Variants in PTPRN observed in about 807,000 individuals in gnomAD.
PTPRN encodes protein tyrosine phosphatase receptor type N.
In PTPRN, 70 loss-of-function variants were observed where a neutral mutation model predicts 108.5. The ratio of observed to expected loss-of-function variants is 0.65; its 90% CI spans 0.53 to 0.79. PTPRN has a LOEUF of 0.79. PTPRN is among the 30% of genes least tolerant of loss of function. The probability of loss-of-function intolerance (pLI) is 0.00; values close to 1 mark genes in which losing one functional copy is unlikely to be tolerated. For synonymous variants in PTPRN, 496 were observed against 524.6 expected (o/e 0.95, Z 0.75); for missense variants, 1,136 against 1,295.5 (o/e 0.88, Z 1.89).
In PTPRN at chr2:219,296,834, C is replaced by T. The variant is rs758287281; in HGVS notation, c.2237-12G>A. On this transcript the variant is annotated splice_polypyrimidine_tract_variant and intron_variant, in intron 15 of 22. Transcript: ENST00000295718. This position sits in a 1 kb window ranked among gnomAD's most constrained non-coding sequence, Gnocchi z 6.0. ...GCGGGCATGGTCATCTGCACAGACCCGACACCCCACCCCAGATGGCCCTCT... is the reference window on the plus strand; with the variant it reads ...GCGGGCATGGTCATCTGCACAGACCTGACACCCCACCCCAGATGGCCCTCT... 13 of 1,613,934 alleles carry T rather than the reference C, an allele frequency of 8.1e-6. No individual in the cohort carries two copies. The highest frequency in any genetic ancestry group is 2.7e-5 in the African/African-American group (2 of 74,880).
Position 219,303,762 on chromosome 2 carries a change from C to T in PTPRN, c.350G>A (p.Arg117His), listed in dbSNP as rs777368136. ...SQEMERIPRL[R>H]PPEPRPRDRS... ...GTCCCTTGGACGGGGCTCTGGGGGG[C>T]GAAGCCTGGGGATGCGCTCCATCTC... Residue 117 changes from arginine to histidine, a missense_variant, in exon 4 of 23, where the codon CGC becomes CAC. Arg to His is a conservative substitution (Grantham distance 29). Coordinates refer to ENST00000295718, the MANE Select transcript of PTPRN (RefSeq NM_002846.4). The T allele has an allele frequency of 8.1e-6, 13 of 1,613,982 alleles. No homozygotes were observed. The highest frequency in any genetic ancestry group is 1.1e-5 in the South Asian group (1 of 91,086).
chr2:219,297,216 C>G lies in PTPRN; in HGVS notation c.2088+17G>C. On this transcript the variant is annotated intron_variant, in intron 14 of 22. Transcript: ENST00000295718. This position sits in a 1 kb window ranked among gnomAD's most constrained non-coding sequence, Gnocchi z 6.0. ...TCCCATTCCTTCACCCACTCTGGGC[C>G]CAGGCCCTGTCCTGACCAGAATCAT... The G allele has an allele frequency of 6.2e-7, 1 of 1,611,992 alleles. No individual in the cohort carries two copies. Among genetic ancestry groups the G allele is most frequent in the Non-Finnish European group, 8.5e-7 (1 of 1,178,556 alleles).
In PTPRN at chr2:219,297,910, T is replaced by G; in HGVS notation, c.1862A>C (p.His621Pro). The change falls in exon 13 of 23, where the codon CAT (histidine) becomes CCT (proline). Residue 621 changes from histidine (H) to proline (P), a missense_variant. Physicochemically the swap from His to Pro is moderately conservative, Grantham distance 77 (BLOSUM62 -2). Coordinates refer to ENST00000295718, the MANE Select transcript of PTPRN (RefSeq NM_002846.4). This position sits in a 1 kb window ranked among gnomAD's most constrained non-coding sequence, Gnocchi z 6.0. Reference sequence around the variant, plus strand: ...CTGGTACTCAAAGGTAGTGTCACCATGGGCCCCCTCAGGCCCCAGGGCTGC... The same window carrying G: ...CTGGTACTCAAAGGTAGTGTCACCAGGGGCCCCCTCAGGCCCCAGGGCTGC... ...RLAALGPEGA[H>P]GDTTFEYQDL... 1 of 1,611,586 alleles carries G rather than the reference T, an allele frequency of 6.2e-7. No homozygotes were observed. Among genetic ancestry groups the G allele is most frequent in the Non-Finnish European group, 8.5e-7 (1 of 1,179,570 alleles).
rs139679775 is a variant in PTPRN, at chr2:219,297,364, G to A, written c.1957C>T (p.Arg653Trp). Residue 653 changes from arginine to tryptophan, a missense_variant, in exon 14 of 23, where the codon CGG (arginine) becomes TGG (tryptophan). Arg to Trp is a moderately radical substitution (Grantham distance 101). Coordinates refer to ENST00000295718, the MANE Select transcript of PTPRN (RefSeq NM_002846.4). The surrounding 1 kb of genome is among the most constrained non-coding windows in gnomAD (Gnocchi z 6.0). ...AACTGGGAGGACACACTGCTCACCCGTGAAGGCTCCGGTGGACCCTCTGCC... is the reference window on the plus strand; with the variant it reads ...AACTGGGAGGACACACTGCTCACCCATGAAGGCTCCGGTGGACCCTCTGCC... ...NRAEGPPEPS[R>W]VSSVSSQFSD... is the part of the protein sequence containing the mutation. 10 of 1,613,946 alleles carry A rather than the reference G, an allele frequency of 6.2e-6. No individual in the cohort carries two copies. Among genetic ancestry groups the A allele is most frequent in the African/African-American group, 1.3e-5 (1 of 74,950 alleles).
At position 219,296,068 on chromosome 2, in the gene PTPRN, G is replaced by T; in HGVS notation, c.2508+158C>A. The T allele has an allele frequency of 2.0e-6, 2 of 1,025,224 alleles. No individual in the cohort carries two copies. The highest frequency in any genetic ancestry group is 2.9e-6 in the Non-Finnish European group (2 of 692,192). 63.5% of individuals were successfully genotyped at this position (1,025,224 alleles called of 1,614,324 possible). ...TGAATATATGGGTATGCATATATGT[G>T]TTTATATATATTCATATATGTATGA... On this transcript the variant is annotated intron_variant, in intron 18 of 22. Coordinates refer to ENST00000295718, the MANE Select transcript of PTPRN (RefSeq NM_002846.4). The surrounding 1 kb of genome is among the most constrained non-coding windows in gnomAD (Gnocchi z 6.0).
At position 219,296,689 on chromosome 2, in the gene PTPRN, A is replaced by C. The variant is rs1433570868; in HGVS notation, c.2310+60T>G. 6.3e-7 allele frequency: 1 copy of C among 1,596,834 alleles called. No individual in the cohort carries two copies. ...GTGGCAGGTGACCACGGGGAAATGG[A>C]GTGCATAGGGCCAGGATAATGATGG... On this transcript the variant is annotated intron_variant, in intron 16 of 22. Transcript: ENST00000295718. This position sits in a 1 kb window ranked among gnomAD's most constrained non-coding sequence, Gnocchi z 6.0.
At chr2:219,309,182 C>T in intron 1 of PTPRN, 36 bp downstream of exon 1, 3 of 1,302,712 alleles carry the variant, frequency 2.3e-6, no homozygotes, top group Non-Finnish European at 2.1e-6. Context: ...CTGCTCCCCG[C>T]CCCCCACCAC....
Position 219,300,204 on chromosome 2 carries a change from G to A in PTPRN, c.1217C>T (p.Ser406Phe). Reference protein sequence around the residue: ...RDTAELPARTSPMPGHPTASP... With the variant: ...RDTAELPARTFPMPGHPTASP... ...GGCAGTGGGGTGTCCAGGCATGGGGGATGTGCGGGCTGGAAGCTCTGCTGT... is the reference window on the plus strand; with the variant it reads ...GGCAGTGGGGTGTCCAGGCATGGGGAATGTGCGGGCTGGAAGCTCTGCTGT... The change falls in exon 9 of 23, where the codon TCC (serine) becomes TTC (phenylalanine). Residue 406 changes from serine to phenylalanine, a missense_variant. Transcript: ENST00000295718. The A allele has an allele frequency of 4.4e-6, 7 of 1,606,794 alleles. No individual in the cohort carries two copies. Among genetic ancestry groups the A allele is most frequent in the South Asian group, 1.1e-5 (1 of 90,210 alleles).
chr2:219,307,653 T>C, intron 2 of PTPRN, 96 bp from the exon 3 acceptor site: 1 of 1,444,762 alleles, frequency 6.9e-7, no homozygotes, highest in East Asian at 2.3e-5. Context: ...CTTTCTCCCC[T>C]ACCTCTCCTC....
chr2:219,303,755 TG>T lies in PTPRN; in HGVS notation c.356del (p.Pro119GlnfsTer81), dbSNP rs759562798. On this transcript the variant is annotated frameshift_variant, in exon 4 of 23. Coordinates refer to ENST00000295718, the MANE Select transcript of PTPRN (RefSeq NM_002846.4). LOFTEE classifies it high-confidence loss of function. ...EMERIPRLRP[P>X]EPRPRDRSGL... ...CCTACCTGTCCCTTGGACGGGGCTC[TG>T]GGGGGCGAAGCCTGGGGATGCGCTC... 6.2e-7 allele frequency: 1 copy of T among 1,614,032 alleles called. No individual in the cohort carries two copies. Among genetic ancestry groups the T allele is most frequent in the Admixed American group, 1.7e-5 (1 of 60,020 alleles).
Position 219,303,697 on chromosome 2 carries a change from C to T in PTPRN, c.377+38G>A, listed in dbSNP as rs775709346. On this transcript the variant is annotated intron_variant, in intron 4 of 22. Transcript: ENST00000295718. ...ATTAGGACAACCACAGATTCATCAG[C>T]CTCACCATTGCTAGAGTTGTAGAGA... The T allele has an allele frequency of 1.1e-5, 17 of 1,562,730 alleles. No individual in the cohort carries two copies. The South Asian group carries it at 1.6e-4, about 14-fold the overall frequency.
rs760083408 is a variant in PTPRN, at chr2:219,302,486, G to T, written c.645C>A (p.Gly215=). Residue 215 remains glycine (G), a synonymous_variant, in exon 6 of 23, where the codon GGC becomes GGA. Transcript: ENST00000295718. ...CTGAGACCCTGGAGCCATCACGGGA[G>T]CCAAACTGTGGAAAACCAGAGATCT... ...LLQPYLFHQF[G]SRDGSRVSEG... The T allele has an allele frequency of 2.2e-5, 36 of 1,613,742 alleles. No individual in the cohort carries two copies. The Middle Eastern group carries it at 4.9e-4, about 22-fold the overall frequency.
At chr2:219,302,040 G>A in intron 6 of PTPRN, 97 bp downstream of exon 6, 1 of 1,153,442 alleles carries the variant, frequency 8.7e-7, no homozygotes, top group Non-Finnish European at 1.2e-6. Context: ...TGACTTTAAG[G>A]ACAAGTTAAC....
chr2:219,300,851 C>T (rs971671176), intron 8 of PTPRN, 92 bp downstream of exon 8: 24 of 1,427,976 alleles, frequency 1.7e-5, no homozygotes, highest in African/African-American at 2.8e-5. Context: ...TGGGAGGATA[C>T]AGATTCTAGG....
At position 219,298,024 on chromosome 2, in the gene PTPRN, G is replaced by A. The variant is rs558928012; in HGVS notation, c.1748C>T (p.Ala583Val). ...CAGCAGCCCAGCCACACCTGCCAGG[G>A]CCACCAGAGTGAGCAGCACTGAGCG... ...PMRSVLLTLVALAGVAGLLVA... is the reference protein window; with the variant it reads ...PMRSVLLTLVVLAGVAGLLVA... The change falls in exon 13 of 23, where the codon GCC becomes GTC. Residue 583 changes from alanine (A) to valine (V), a missense_variant. Coordinates refer to ENST00000295718, the MANE Select transcript of PTPRN (RefSeq NM_002846.4). 2 of 1,614,078 alleles carry A rather than the reference G, an allele frequency of 1.2e-6. No individual in the cohort carries two copies. Among genetic ancestry groups the A allele is most frequent in the East Asian group, 2.2e-5 (1 of 44,880 alleles).
intron 19 of PTPRN, 83 bp downstream of exon 19, chr2:219,294,892 C>T (rs1010580473): frequency 1.5e-5 from 20 of 1,329,300 alleles, no homozygotes; most frequent in African/African-American, 6.3e-5. Flanking sequence ...AGGCCCGACC[C>T]GGGGCTCCAG....
rs1952040391 is a variant in PTPRN, at chr2:219,290,950, A to G, written c.2730-60T>C. The G allele has an allele frequency of 1.3e-6, 2 of 1,528,774 alleles. No homozygotes were observed. The highest frequency in any genetic ancestry group is 1.8e-6 in the Non-Finnish European group (2 of 1,102,792). 94.7% of individuals were successfully genotyped at this position (1,528,774 alleles called of 1,614,324 possible). Reference sequence around the variant, plus strand: ...ATGCAGCAGAAAGGGGGAGGGACGGAGGAGGCGAGGAGGCCTGGAGGCCTG... The same window carrying G: ...ATGCAGCAGAAAGGGGGAGGGACGGGGGAGGCGAGGAGGCCTGGAGGCCTG... On this transcript the variant is annotated intron_variant, in intron 20 of 22. Coordinates refer to ENST00000295718, the MANE Select transcript of PTPRN (RefSeq NM_002846.4). This position sits in a 1 kb window ranked among gnomAD's most constrained non-coding sequence, Gnocchi z 4.2.
chr2:219,297,004 C>T lies in PTPRN; in HGVS notation c.2217G>A (p.Arg739=). ...ACTCACAGGGCAGGAAGTCAGGATG[C>T]CGGTTCTTTTTGATGTTGCCCTCCC... ...AQGEGNIKKN[R]HPDFLPYDHA... is the part of the protein sequence containing the mutation. Residue 739 remains arginine, a synonymous_variant, in exon 15 of 23, where the codon CGG becomes CGA. Coordinates refer to ENST00000295718, the MANE Select transcript of PTPRN (RefSeq NM_002846.4). The surrounding 1 kb of genome is among the most constrained non-coding windows in gnomAD (Gnocchi z 6.0). 1 of 1,613,840 alleles carries T rather than the reference C, an allele frequency of 6.2e-7. No individual in the cohort carries two copies. Among genetic ancestry groups the T allele is most frequent in the Non-Finnish European group, 8.5e-7 (1 of 1,179,972 alleles).
intron 7 of PTPRN, 80 bp downstream of exon 7, chr2:219,301,508 C>T (rs1952345108): frequency 2.6e-6 from 4 of 1,520,882 alleles, no homozygotes; most frequent in African/African-American, 1.4e-5. Context: ...CTCCAGGCTA[C>T]TCCAAGTGGT....
Sources: allele counts gnomAD v4.1 joint callset, GRCh38; gene constraint gnomAD v4.1.1; non-coding constraint Gnocchi (gnomAD v3.1); transcripts MANE v1.5; gene names NCBI Gene and HGNC (gene_info 2026-07-23, HGNC 2026-07-21).